MACROD2: variants seen among roughly 807,000 people sequenced by gnomAD.
The protein encoded by MACROD2 is ADP-ribose glycohydrolase MACROD2.
In MACROD2, 36 loss-of-function variants were observed where a neutral mutation model predicts 70.4. The observed-to-expected ratio is 0.51, with a 90% confidence interval of 0.39 to 0.68. The LOEUF (loss-of-function observed/expected upper bound fraction) is 0.68. MACROD2 is among the 30% of genes least tolerant of loss of function. MACROD2 has a pLI of 0.00. For synonymous variants in MACROD2, 172 were observed against 178.8 expected (o/e 0.96, Z 0.30); for missense variants, 496 against 538.4 (o/e 0.92, Z 0.78).
At chr20:15,629,521 C>T (rs1460707762) in intron 8 of MACROD2, among the ~76,000 whole-genome samples, 1 of 152,202 alleles carries the variant, frequency 6.6e-6, no homozygotes, top group Non-Finnish European at 1.5e-5. Flanking sequence ...TTCAAATGGA[C>T]CTTACATTCA....
chr20:14,559,080 G>C lies in MACROD2; in HGVS notation c.301+65572G>C, dbSNP rs544006381. On this transcript the variant is annotated intron_variant, in intron 4 of 17. Coordinates refer to ENST00000684519, the MANE Select transcript of MACROD2 (RefSeq NM_001351661.2). ...AGCAGCATTTCTTAGTAATTAAAAT[G>C]AATGAGAAGATCTCTACCTAAAGAG... 2.1e-4 allele frequency among the ~76,000 whole-genome samples: 32 copies of C among 151,792 alleles called. No homozygotes were observed. In the South Asian group the frequency reaches 5.8e-3, roughly 28 times the overall value.
intron 5 of MACROD2, among the ~76,000 whole-genome samples, chr20:15,215,709 G>T (rs1397659568): frequency 6.6e-6 from 1 of 151,898 alleles, no homozygotes; most frequent in Non-Finnish European, 1.5e-5. Flanking sequence ...TCAAAAGGTT[G>T]GTAGAGAAAA....
intron 8 of MACROD2, among the ~76,000 whole-genome samples, chr20:15,781,233 G>A (rs899098497): frequency 3.3e-5 from 5 of 152,240 alleles, no homozygotes; most frequent in Non-Finnish European, 7.4e-5. Flanking sequence ...CAATTGCTAG[G>A]AAAAGCAAGC....
At chr20:14,437,645 CTT>C (rs1055808537) in intron 3 of MACROD2, among the ~76,000 whole-genome samples, 1 of 152,042 alleles carries the variant, frequency 6.6e-6, no homozygotes, top group Non-Finnish European at 1.5e-5. Flanking sequence ...TCTCTTCTCT[CTT>C]CGTCAATTTG....
At chr20:15,819,429 A>G (rs971376208) in intron 8 of MACROD2, among the ~76,000 whole-genome samples, 1 of 141,806 alleles carries the variant, frequency 7.1e-6, no homozygotes, top group South Asian at 2.1e-4. Flanking sequence ...AAATATAAAT[A>G]AGTATATAAT....
At chr20:14,200,841 A>T (rs1346454719) in intron 3 of MACROD2, among the ~76,000 whole-genome samples, 1 of 151,564 alleles carries the variant, frequency 6.6e-6, no homozygotes, top group Non-Finnish European at 1.5e-5. Context: ...TGTGTGAATT[A>T]TTCATGCCTT....
intron 6 of MACROD2, among the ~76,000 whole-genome samples, chr20:15,301,562 G>A (rs965941979): frequency 6.8e-6 from 1 of 147,614 alleles, no homozygotes; most frequent in South Asian, 2.2e-4. Context: ...ACTTATCAAT[G>A]GGTGGAAGTT....
At position 14,164,957 on chromosome 20, in the gene MACROD2, G is replaced by GA. The variant is rs201861283; in HGVS notation, c.271+79233dup. Among the ~76,000 whole-genome samples, 837 of 152,252 alleles carry GA rather than the reference G, an allele frequency of 5.5e-3. 8 individuals are homozygous for GA. The highest frequency in any genetic ancestry group is 0.037 in the Middle Eastern group (11 of 294). Reference sequence around the variant, plus strand: ...ATTTGAATTTGTCCTTGGGGTGTGTGAAAATGCATGACCCTTCTGCTGCTG... The same window carrying GA: ...ATTTGAATTTGTCCTTGGGGTGTGTGAAAAATGCATGACCCTTCTGCTGCTG... On this transcript the variant is annotated intron_variant, in intron 3 of 17. Coordinates refer to ENST00000684519, the MANE Select transcript of MACROD2 (RefSeq NM_001351661.2).
intron 4 of MACROD2, among the ~76,000 whole-genome samples, chr20:14,659,113 A>C (rs1986108835): frequency 6.6e-6 from 1 of 152,116 alleles, no homozygotes; most frequent in Non-Finnish European, 1.5e-5. Flanking sequence ...TCCTGAGATC[A>C]CACTGTGGGA....
At chr20:14,018,652 G>A (rs2053026246) in intron 2 of MACROD2, among the ~76,000 whole-genome samples, 1 of 152,074 alleles carries the variant, frequency 6.6e-6, no homozygotes, top group East Asian at 1.9e-4. Context: ...TAGCTCCAGA[G>A]TTTCTGGTTG....
intron 5 of MACROD2, among the ~76,000 whole-genome samples, chr20:15,118,418 C>G (rs1021340231): frequency 6.6e-6 from 1 of 152,004 alleles, no homozygotes; most frequent in Admixed American, 6.5e-5. Context: ...GTCTTGATCT[C>G]TTGACCTCAT....
At chr20:15,672,338 T>G (rs143838533) in intron 8 of MACROD2, among the ~76,000 whole-genome samples, 2,174 of 142,344 alleles carry the variant, frequency 0.015, 50 homozygotes, top group Admixed American at 0.038. Flanking sequence ...TTTCAAAATC[T>G]GTTCTATTTT....
chr20:14,250,163 T>TG (rs963052099), intron 3 of MACROD2, among the ~76,000 whole-genome samples: 4 of 52,326 alleles, frequency 7.6e-5, no homozygotes, highest in Non-Finnish European at 1.4e-4. Context: ...GGCTTCATTC[T>TG]GAAAAAAAAA....
At chr20:14,762,742 C>T (rs2072033155) in intron 5 of MACROD2, among the ~76,000 whole-genome samples, 1 of 151,944 alleles carries the variant, frequency 6.6e-6, no homozygotes, top group African/African-American at 2.4e-5. Flanking sequence ...CCAGCCTGTG[C>T]AACATGACGA....
At chr20:15,662,209 C>A (rs759351009) in intron 8 of MACROD2, among the ~76,000 whole-genome samples, 4 of 152,316 alleles carry the variant, frequency 2.6e-5, no homozygotes, top group Admixed American at 1.3e-4. Flanking sequence ...ATCACCACAC[C>A]TTGTGTTAAA....
At chr20:14,775,085 A>C (rs1398404822) in intron 5 of MACROD2, among the ~76,000 whole-genome samples, 1 of 152,094 alleles carries the variant, frequency 6.6e-6, no homozygotes, top group Non-Finnish European at 1.5e-5. Context: ...AAGCATGCTA[A>C]ATAAATTGTT....
intron 4 of MACROD2, among the ~76,000 whole-genome samples, chr20:14,666,645 T>G (rs1017804466): frequency 2.6e-5 from 4 of 152,046 alleles, no homozygotes; most frequent in Non-Finnish European, 4.4e-5. Flanking sequence ...ACTGTATTAT[T>G]TATGTCCCCA....
At chr20:14,451,149 G>C (rs1027257557) in intron 3 of MACROD2, among the ~76,000 whole-genome samples, 2 of 151,968 alleles carry the variant, frequency 1.3e-5, no homozygotes, top group Non-Finnish European at 2.9e-5. Flanking sequence ...ACCATAAAGA[G>C]TATGTTACCT....
chr20:15,040,936 G>A (rs2075351510), intron 5 of MACROD2, among the ~76,000 whole-genome samples: 1 of 152,162 alleles, frequency 6.6e-6, no homozygotes, highest in African/African-American at 2.4e-5. Context: ...TAGTTTTCCA[G>A]AAGTATTAAT....
Sources: gnomAD v4.1 joint callset for allele counts (sites outside exome capture counted in the v4.1 genomes callset) on GRCh38, gnomAD v4.1.1 for gene constraint, MANE v1.5 for transcripts, NCBI Gene and HGNC (gene_info 2026-07-23, HGNC 2026-07-21) for gene names.